Variants in CDH12 observed in about 807,000 individuals in gnomAD.
CDH12 encodes cadherin 12.
Under a neutral mutation model 74.1 loss-of-function variants are expected in CDH12, and 41 were observed. That is an observed-to-expected ratio of 0.55 (90% CI 0.43 to 0.72). CDH12 has a LOEUF of 0.72. CDH12 is among the 30% of genes least tolerant of loss of function. The pLI is 0.00. For synonymous variants in CDH12, 399 were observed against 355.0 expected, an observed-to-expected ratio of 1.12 and a Z score of -1.39; for missense variants, 945 against 977.2, an observed-to-expected ratio of 0.97 and a Z score of 0.44.
At chr5:22,628,274 CA>C (rs1179702086) in intron 1 of CDH12, among the ~76,000 whole-genome samples, 13 of 152,222 alleles carry the variant, frequency 8.5e-5, no homozygotes, top group African/African-American at 3.1e-4. Flanking sequence ...AAGAACTCTC[CA>C]TCCAAAACAA....
chr5:22,627,059 A>G (rs1011642268), intron 1 of CDH12, among the ~76,000 whole-genome samples: 1 of 152,158 alleles, frequency 6.6e-6, no homozygotes, highest in Non-Finnish European at 1.5e-5. Context: ...CGAACAAGAA[A>G]AACAAAACCT....
intron 8 of CDH12, among the ~76,000 whole-genome samples, chr5:21,833,611 T>C (rs1442162384): frequency 8.8e-6 from 1 of 114,006 alleles, no homozygotes; most frequent in African/African-American, 3.4e-5. Context: ...ATATATGATA[T>C]AGAATATATG....
intron 1 of CDH12, among the ~76,000 whole-genome samples, chr5:22,818,916 C>T (rs1180690221): frequency 1.3e-5 from 2 of 152,068 alleles, no homozygotes; most frequent in Non-Finnish European, 2.9e-5. Context: ...TGTGTGCATA[C>T]TCTGTCAACT....
chr5:22,243,976 A>G (rs1477146457), intron 3 of CDH12, among the ~76,000 whole-genome samples: 1 of 152,212 alleles, frequency 6.6e-6, no homozygotes. Flanking sequence ...AAAGGGATAA[A>G]TTAAATTGGG....
intron 3 of CDH12, among the ~76,000 whole-genome samples, chr5:22,226,026 G>A (rs1752182733): frequency 6.6e-6 from 1 of 151,862 alleles, no homozygotes; most frequent in Non-Finnish European, 1.5e-5. Context: ...CCTTCAGTTT[G>A]GAAAAAAGAA....
At chr5:21,792,814 T>G (rs955015237) in intron 10 of CDH12, among the ~76,000 whole-genome samples, 1 of 151,820 alleles carries the variant, frequency 6.6e-6, no homozygotes, top group African/African-American at 2.4e-5. Flanking sequence ...GCGGACACCT[T>G]GAAGCAGCTT....
At chr5:21,767,948 T>C (rs1365370220) in intron 11 of CDH12, among the ~76,000 whole-genome samples, 7 of 151,780 alleles carry the variant, frequency 4.6e-5, no homozygotes, top group Non-Finnish European at 1.0e-4. Flanking sequence ...TAAATTATTT[T>C]GAAAAGTAAT....
chr5:22,442,118 C>G (rs981733630), intron 2 of CDH12, among the ~76,000 whole-genome samples: 51 of 152,112 alleles, frequency 3.4e-4, no homozygotes, highest in Admixed American at 3.3e-3. Context: ...CTATGACTGA[C>G]TAAAAGTCGG....
intron 3 of CDH12, among the ~76,000 whole-genome samples, chr5:22,344,491 T>C (rs890316503): frequency 3.3e-5 from 5 of 152,044 alleles, no homozygotes; most frequent in Non-Finnish European, 7.4e-5. Flanking sequence ...AAAAGATAAG[T>C]TTCAATGTAT....
At chr5:22,839,355 T>TC (rs1736983687) in intron 1 of CDH12, among the ~76,000 whole-genome samples, 1 of 148,696 alleles carries the variant, frequency 6.7e-6, no homozygotes, top group South Asian at 2.1e-4. Flanking sequence ...TACTTGTCTT[T>TC]TTTTTTTTTT....
At chr5:22,165,501 TACACACACACATACAC>T (rs931956093) in intron 4 of CDH12, among the ~76,000 whole-genome samples, 6 of 50,344 alleles carry the variant, frequency 1.2e-4, no homozygotes, top group East Asian at 6.5e-4. Flanking sequence ...CACATACACA[TACACACACACATACAC>T]ACACACACAC....
intron 12 of CDH12, among the ~76,000 whole-genome samples, chr5:21,761,998 A>G (rs918108038): frequency 1.3e-5 from 2 of 152,198 alleles, no homozygotes; most frequent in African/African-American, 4.8e-5. Flanking sequence ...TCAATGAATC[A>G]ACATACAGAC....
chr5:22,333,969 G>T (rs1454885222), intron 3 of CDH12, among the ~76,000 whole-genome samples: 1 of 152,032 alleles, frequency 6.6e-6, no homozygotes, highest in Non-Finnish European at 1.5e-5. Context: ...AGTATAGAAG[G>T]AACAGACCTC....
intron 3 of CDH12, among the ~76,000 whole-genome samples, chr5:22,312,318 C>G (rs1230946203): frequency 6.6e-6 from 1 of 152,076 alleles, no homozygotes; most frequent in Non-Finnish European, 1.5e-5. Flanking sequence ...TTATTTCTCA[C>G]AACTTAATGT....
intron 3 of CDH12, among the ~76,000 whole-genome samples, chr5:22,237,615 A>T (rs1752603430): frequency 6.6e-6 from 1 of 151,886 alleles, no homozygotes; most frequent in Non-Finnish European, 1.5e-5. Context: ...AGGAGAAATA[A>T]AGGTTTGTTG....
chr5:22,312,092 G>A (rs886313595), intron 3 of CDH12, among the ~76,000 whole-genome samples: 8 of 151,858 alleles, frequency 5.3e-5, no homozygotes, highest in Middle Eastern at 3.4e-3. Context: ...CACTACGCTC[G>A]ATTTAGAAGT....
At chr5:22,039,132 T>C (rs1482086194) in intron 5 of CDH12, among the ~76,000 whole-genome samples, 1 of 152,084 alleles carries the variant, frequency 6.6e-6, no homozygotes, top group Non-Finnish European at 1.5e-5. Context: ...TATCGCAGGA[T>C]CCAGGGTCTA....
At chr5:22,453,126 C>T (rs1745119737) in intron 2 of CDH12, among the ~76,000 whole-genome samples, 2 of 151,912 alleles carry the variant, frequency 1.3e-5, no homozygotes, top group Non-Finnish European at 2.9e-5. Context: ...CTTTCATACA[C>T]TGTTGATGGG....
intron 3 of CDH12, among the ~76,000 whole-genome samples, chr5:22,378,166 CACTGTGT>C (rs1741617268): frequency 6.6e-6 from 1 of 152,074 alleles, no homozygotes; most frequent in African/African-American, 2.4e-5. Flanking sequence ...CAGGTAAATC[CACTGTGT>C]ACAAATACAG....
Sources: allele counts gnomAD v4.1 joint callset (sites outside exome capture counted in the v4.1 genomes callset), GRCh38; gene constraint gnomAD v4.1.1; transcripts MANE v1.5; gene names NCBI Gene and HGNC (gene_info 2026-07-23, HGNC 2026-07-21).